The following ATP11A variants were observed in gnomAD, a reference collection of about 807,000 sequenced individuals.
ATP11A encodes ATPase phospholipid transporting 11A.
Under a neutral mutation model 154.4 loss-of-function variants are expected in ATP11A, and 81 were observed. That is an observed-to-expected ratio of 0.52 (90% confidence interval 0.44 to 0.63). The LOEUF is 0.63. Ranked by LOEUF, ATP11A falls within the 30% of genes least tolerant of loss-of-function variation. The pLI, the probability that ATP11A is intolerant of heterozygous loss-of-function variation, is 0.00. For synonymous variants in ATP11A, 623 were observed against 585.9 expected (o/e 1.06, Z -0.91); for missense variants, 1,316 against 1,474.3 (o/e 0.89, Z 1.76).
rs369899748 is a variant in ATP11A at position 112,855,920 on chromosome 13, A to G, written c.2253A>G (p.Ala751=). Residue 751 remains alanine, a synonymous_variant, in exon 20 of 30, where the codon GCA becomes GCG. Transcript: ENST00000375645. ...LTRDNLSGLS[A]DMQDYGLIID... The stretch of plus-strand genomic sequence containing the variant: ...TCACGTACTCTAACAGACTTTCAGC[A>G]GATATGCAGGACTACGGTTTAATTA... 3.1e-6 allele frequency: 5 copies of G among 1,609,786 alleles called. No homozygotes were observed. Among genetic ancestry groups the G allele is most frequent in the East Asian group, 2.2e-5 (1 of 44,810 alleles).
chr13:112,725,884 C>G (rs1218225187), intron 1 of ATP11A, among the ~76,000 whole-genome samples: 1 of 152,214 alleles, frequency 6.6e-6, no homozygotes, highest in Non-Finnish European at 1.5e-5. Flanking sequence ...TCAGGAGCCC[C>G]TCCCCGGCAG....
chr13:112,819,072 A>G (rs753808730), intron 6 of ATP11A, among the ~76,000 whole-genome samples: 3 of 152,274 alleles, frequency 2.0e-5, no homozygotes, highest in Non-Finnish European at 4.4e-5. Flanking sequence ...GAGCATTGCT[A>G]TCTGTCCTGT....
chr13:112,742,395 G>C (rs550993015), intron 1 of ATP11A, among the ~76,000 whole-genome samples: 3 of 152,156 alleles, frequency 2.0e-5, no homozygotes, highest in South Asian at 2.1e-4. Context: ...GAGCCCCTGC[G>C]GGCGCTGGTC....
intron 1 of ATP11A, among the ~76,000 whole-genome samples, chr13:112,744,452 G>A (rs1891902183): frequency 6.6e-6 from 1 of 152,236 alleles, no homozygotes; most frequent in African/African-American, 2.4e-5. Flanking sequence ...TTTCAGGGAT[G>A]CTTATTTCTG....
intron 1 of ATP11A, among the ~76,000 whole-genome samples, chr13:112,749,145 G>A (rs974213975): frequency 6.6e-6 from 1 of 152,210 alleles, no homozygotes; most frequent in Non-Finnish European, 1.5e-5. Flanking sequence ...TGTCTGCTCT[G>A]GTGGATGCCG....
At chr13:112,836,384 CAA>C (rs2079235594) in intron 16 of ATP11A, 133 bp downstream of exon 16, 1 of 532,440 alleles carries the variant, frequency 1.9e-6, no homozygotes, top group Admixed American at 3.6e-5. Flanking sequence ...AAACTATAGA[CAA>C]ATCCTCTCAA....
intron 1 of ATP11A, among the ~76,000 whole-genome samples, chr13:112,773,162 G>A (rs1412899156): frequency 6.6e-6 from 1 of 152,060 alleles, no homozygotes; most frequent in Non-Finnish European, 1.5e-5. Flanking sequence ...CCATGAGGCT[G>A]TTTCTCATCG....
rs190500375 is a variant in ATP11A at position 112,748,270 on chromosome 13, T to C, written c.40-36865T>C. ...AGAAGCTAGAAGGCATTTGTGGGACTCTCAAACTAAGATGGGTCTTCATTA... is the reference window on the plus strand; with the variant it reads ...AGAAGCTAGAAGGCATTTGTGGGACCCTCAAACTAAGATGGGTCTTCATTA... On this transcript the variant is annotated intron_variant, in intron 1 of 29. Transcript: ENST00000375645. Among the ~76,000 whole-genome samples the C allele has an allele frequency of 2.0e-4, 31 of 152,370 alleles. No homozygotes were observed. The East Asian group carries it at 3.7e-3, about 18-fold the overall frequency.
In ATP11A at chr13:112,860,704, G is replaced by A. The variant is rs564383106; in HGVS notation, c.2855+290G>A. 1.0e-4 allele frequency: 29 copies of A among 277,010 alleles called. No homozygotes were observed. In the East Asian group the frequency reaches 1.6e-3, roughly 15 times the overall value. 17.2% of individuals were successfully genotyped at this position (277,010 alleles called of 1,614,324 possible). The stretch of plus-strand genomic sequence containing the variant: ...GTCCTGAGGGAGCTGGGGTACAAGC[G>A]TCTTCCTCGTTGTGACCCTAGGGAA... On this transcript the variant is annotated intron_variant, in intron 24 of 29. Coordinates refer to ENST00000375645, the MANE Select transcript of ATP11A (RefSeq NM_015205.3).
At chr13:112,798,018 G>A (rs2078044836) in intron 2 of ATP11A, among the ~76,000 whole-genome samples, 1 of 152,168 alleles carries the variant, frequency 6.6e-6, no homozygotes, top group Non-Finnish European at 1.5e-5. Flanking sequence ...GGCTCCTTGA[G>A]CACTGCATCC....
At position 112,882,225 on chromosome 13, in the gene ATP11A, T is replaced by C; in HGVS notation, c.*359T>C. The C allele has an allele frequency of 1.1e-6, 1 of 921,698 alleles. No homozygotes were observed. The highest frequency in any genetic ancestry group is 1.5e-6 in the Non-Finnish European group (1 of 671,426). The allele number at this position is 921,698 out of a possible 1,614,324, so 57.1% of individuals were successfully genotyped here. On this transcript the variant is annotated 3_prime_UTR_variant, in exon 30 of 30. Coordinates refer to ENST00000375645, the MANE Select transcript of ATP11A (RefSeq NM_015205.3). The surrounding 1 kb of genome is among the most constrained non-coding windows in gnomAD (Gnocchi z 5.1). ...CACCAGTGGCCTCTGGGCATTCGGC[T>C]CAACGCAGGAGGGACATTCTGCTGG...
intron 1 of ATP11A, among the ~76,000 whole-genome samples, chr13:112,730,967 G>A (rs1221532807): frequency 6.6e-6 from 1 of 152,096 alleles, no homozygotes; most frequent in Non-Finnish European, 1.5e-5. Flanking sequence ...ACGGAGTCTT[G>A]CTAAGTTACC....
At chr13:112,831,150 T>C (rs956756560) in intron 12 of ATP11A, among the ~76,000 whole-genome samples, 1 of 152,098 alleles carries the variant, frequency 6.6e-6, no homozygotes, top group Non-Finnish European at 1.5e-5. Context: ...CCTCCTGAAT[T>C]GCACCTGCCA....
chr13:112,848,768 A>T (rs950025442), intron 17 of ATP11A, among the ~76,000 whole-genome samples: 1 of 152,126 alleles, frequency 6.6e-6, no homozygotes, highest in African/African-American at 2.4e-5. Context: ...GCTCACTGCA[A>T]CCTCTGCCTC....
chr13:112,811,497 T>C (rs1020477547), intron 5 of ATP11A: 2 of 152,202 alleles, frequency 1.3e-5, no homozygotes, highest in African/African-American at 4.8e-5. Flanking sequence ...AAAATTTGTT[T>C]TAGAATAAAG....
At chr13:112,835,516 G>A (rs765114767) in intron 15 of ATP11A, among the ~76,000 whole-genome samples, 3 of 152,308 alleles carry the variant, frequency 2.0e-5, no homozygotes, top group South Asian at 2.1e-4. Flanking sequence ...TTGAGGCTCC[G>A]GGTTTGCAGC....
At chr13:112,730,488 A>G (rs1438084498) in intron 1 of ATP11A, among the ~76,000 whole-genome samples, 1 of 152,190 alleles carries the variant, frequency 6.6e-6, no homozygotes, top group Non-Finnish European at 1.5e-5. Flanking sequence ...ATGCGTGAAT[A>G]ACTCCTGACA....
In ATP11A at chr13:112,734,304, C is replaced by G. The variant is rs75517160; in HGVS notation, c.39+43849C>G. Among the ~76,000 whole-genome samples, 926 of 152,182 alleles carry G rather than the reference C, an allele frequency of 6.1e-3. 8 individuals are homozygous for G. The highest frequency in any genetic ancestry group is 0.022 in the African/African-American group (893 of 41,512). On this transcript the variant is annotated intron_variant, in intron 1 of 29. Coordinates refer to ENST00000375645, the MANE Select transcript of ATP11A (RefSeq NM_015205.3). ...CGGGGGTGAGGGGCAGGGAAAGAAC[C>G]TTGAAATACTTGAGAAAAGGGCCTT...
chr13:112,832,803 C>G, intron 13 of ATP11A, 57 bp from the exon 14 acceptor site: 1 of 1,576,702 alleles, frequency 6.3e-7, no homozygotes, highest in Non-Finnish European at 8.6e-7. Context: ...GCCTGTTTCC[C>G]TCTATCTTCA....
Sources: gnomAD v4.1 joint callset for allele counts (sites outside exome capture counted in the v4.1 genomes callset) on GRCh38, gnomAD v4.1.1 for gene constraint, Gnocchi (gnomAD v3.1) non-coding constraint, MANE v1.5 for transcripts, NCBI Gene and HGNC (gene_info 2026-07-23, HGNC 2026-07-21) for gene names.